Variants in SND1 observed in about 807,000 individuals in gnomAD.
SND1 encodes staphylococcal nuclease domain-containing protein 1.
Under a neutral mutation model 121.7 loss-of-function variants are expected in SND1, and 38 were observed. The observed-to-expected ratio is 0.31, with a 90% CI of 0.24 to 0.41. SND1 has a LOEUF of 0.41. SND1 is among the 10% of genes least tolerant of loss of function. The pLI, the probability that SND1 is intolerant of heterozygous loss-of-function variation, is 1.00. For missense variants in SND1, 868 were observed against 1,184.6 expected (o/e 0.73, Z 3.92); for synonymous variants, 401 against 447.4 (o/e 0.90, Z 1.31).
chr7:127,844,388 C>T lies in SND1; in HGVS notation c.1307C>T (p.Ser436Leu). The change falls in exon 12 of 24, where the codon TCA (serine) becomes TTA (leucine). Residue 436 changes from serine to leucine, a missense_variant. Coordinates refer to ENST00000354725, the MANE Select transcript of SND1 (RefSeq NM_014390.4). ...SPATETVPAF[S>L]ERTCATVTIG... is the part of the protein sequence containing the mutation. ...GCCACAGAGACAGTGCCTGCCTTTT[C>T]AGAGCGTACCTGTGCCACTGTCACC... The T allele has an allele frequency of 1.2e-6, 2 of 1,613,648 alleles. No individual in the cohort carries two copies. The highest frequency in any genetic ancestry group is 1.7e-6 in the Non-Finnish European group (2 of 1,179,756).
intron 16 of SND1, among the ~76,000 whole-genome samples, chr7:128,053,233 C>T (rs1793076515): frequency 6.6e-6 from 1 of 152,206 alleles, no homozygotes; most frequent in Admixed American, 6.5e-5. Context: ...TGGCAGTAAG[C>T]CAAATAGCTG....
intron 14 of SND1, among the ~76,000 whole-genome samples, chr7:127,919,410 C>A (rs1800652986): frequency 6.6e-6 from 1 of 152,132 alleles, no homozygotes; most frequent in Admixed American, 6.6e-5. Context: ...TTTTACTCTG[C>A]ACATTTTATT....
chr7:127,712,424 T>G (rs780760616), intron 9 of SND1, among the ~76,000 whole-genome samples: 4 of 152,164 alleles, frequency 2.6e-5, no homozygotes, highest in African/African-American at 4.8e-5. Flanking sequence ...CTCCCAAAGT[T>G]GCAGGGATTA....
rs1042231944 is a variant in SND1 at position 127,882,361 on chromosome 7, A to G, written c.1344-5541A>G. Among the ~76,000 whole-genome samples the G allele has an allele frequency of 7.0e-4, 92 of 131,904 alleles. 1 individual carries two copies. The highest frequency in any genetic ancestry group is 4.6e-3 in the Admixed American group (57 of 12,362). 86.5% of individuals were successfully genotyped at this position (131,904 alleles called of 152,430 possible). The stretch of plus-strand genomic sequence containing the variant: ...TCAGAGCCCCATAGGAGGGGAAGGA[A>G]GGCAGGCAGGAAGGGAGGGAGGAAG... On this transcript the variant is annotated intron_variant, in intron 12 of 23. Transcript: ENST00000354725.
intron 12 of SND1, among the ~76,000 whole-genome samples, chr7:127,856,435 T>C (rs529346005): frequency 4.6e-5 from 7 of 152,368 alleles, no homozygotes; most frequent in East Asian, 1.9e-4. Context: ...CCCTTCCTGC[T>C]GTGATGCCTT....
chr7:128,033,741 T>C (rs546239425), intron 16 of SND1, among the ~76,000 whole-genome samples: 5 of 152,214 alleles, frequency 3.3e-5, no homozygotes, highest in Admixed American at 6.5e-5. Flanking sequence ...AACCCTATTA[T>C]TCATTTTATA....
In SND1 at chr7:128,009,036, A is replaced by G. The variant is rs543712038; in HGVS notation, c.1779+17980A>G. 6.6e-5 allele frequency among the ~76,000 whole-genome samples: 10 copies of G among 152,290 alleles called. No individual in the cohort carries two copies. In the East Asian group the frequency reaches 9.6e-4, roughly 15 times the overall value. On this transcript the variant is annotated intron_variant, in intron 16 of 23. Coordinates refer to ENST00000354725, the MANE Select transcript of SND1 (RefSeq NM_014390.4). ...ACTGTAGAATTCAATAGTAATAATA[A>G]GCATTTTTATGGTGCAATGACAGCT...
At chr7:127,812,864 C>G (rs1368068166) in intron 11 of SND1, among the ~76,000 whole-genome samples, 2 of 152,202 alleles carry the variant, frequency 1.3e-5, no homozygotes, top group Non-Finnish European at 2.9e-5. Flanking sequence ...AGCTGGGATT[C>G]TGGGGATTCT....
intron 10 of SND1, among the ~76,000 whole-genome samples, chr7:127,736,420 A>G (rs1164113432): frequency 6.6e-6 from 1 of 152,192 alleles, no homozygotes; most frequent in African/African-American, 2.4e-5. Context: ...ATGGCTATGC[A>G]GTTGTTAATG....
chr7:127,933,207 T>A (rs1800989247), intron 15 of SND1, among the ~76,000 whole-genome samples: 1 of 152,206 alleles, frequency 6.6e-6, no homozygotes, highest in Admixed American at 6.5e-5. Flanking sequence ...CCTGCAGAAT[T>A]CTTCTAGTTT....
At chr7:127,684,031 T>C (rs1454321154) in intron 1 of SND1, among the ~76,000 whole-genome samples, 1 of 152,118 alleles carries the variant, frequency 6.6e-6, no homozygotes, top group Non-Finnish European at 1.5e-5. Context: ...AGATCCATTG[T>C]CCCCAGGGAT....
At chr7:127,663,376 T>A (rs1795352860) in intron 1 of SND1, among the ~76,000 whole-genome samples, 1 of 144,362 alleles carries the variant, frequency 6.9e-6, no homozygotes, top group Non-Finnish European at 1.6e-5. Flanking sequence ...CTACTGTACT[T>A]CTTTTTTTTT....
intron 15 of SND1, among the ~76,000 whole-genome samples, chr7:127,935,917 A>G (rs1423163260): frequency 6.6e-6 from 1 of 151,942 alleles, no homozygotes; most frequent in Admixed American, 6.6e-5. Context: ...CTGTACTTCA[A>G]GGTGGGGTGG....
intron 14 of SND1, among the ~76,000 whole-genome samples, chr7:127,924,947 T>C (rs1800800094): frequency 6.6e-6 from 1 of 152,200 alleles, no homozygotes; most frequent in Admixed American, 6.5e-5. Flanking sequence ...TAACCTTTGC[T>C]TCTCTGCTTC....
chr7:127,906,212 T>G (rs147109338), intron 14 of SND1, among the ~76,000 whole-genome samples: 1 of 152,208 alleles, frequency 6.6e-6, no homozygotes, highest in Non-Finnish European at 1.5e-5. Context: ...TAAAGTGATA[T>G]GCACTTTTTG....
At chr7:127,905,087 T>A (rs1321727519) in intron 14 of SND1, among the ~76,000 whole-genome samples, 4 of 152,240 alleles carry the variant, frequency 2.6e-5, no homozygotes, top group Non-Finnish European at 4.4e-5. Flanking sequence ...ATTTTGAGTT[T>A]GGAAGGTAGT....
chr7:127,714,504 A>T (rs1796352189), intron 9 of SND1, among the ~76,000 whole-genome samples: 1 of 152,200 alleles, frequency 6.6e-6, no homozygotes, highest in Admixed American at 6.5e-5. Flanking sequence ...ATAACATAAT[A>T]TGTAGTATCT....
intron 10 of SND1, among the ~76,000 whole-genome samples, chr7:127,740,884 C>G (rs903927290): frequency 6.6e-6 from 1 of 152,174 alleles, no homozygotes; most frequent in African/African-American, 2.4e-5. Context: ...CTTATAGATG[C>G]AGATGTTGTT....
chr7:127,873,852 G>A (rs1047179966), intron 12 of SND1, among the ~76,000 whole-genome samples: 1 of 152,094 alleles, frequency 6.6e-6, no homozygotes, highest in Admixed American at 6.6e-5. Flanking sequence ...ACCTCATAAT[G>A]TACTGTTAAG....
Sources: gnomAD v4.1 joint callset for allele counts (sites outside exome capture counted in the v4.1 genomes callset) on GRCh38, gnomAD v4.1.1 for gene constraint, MANE v1.5 for transcripts, NCBI Gene and HGNC (gene_info 2026-07-23, HGNC 2026-07-21) for gene names.